EFCAB13: variants seen among roughly 807,000 people sequenced by gnomAD.
EFCAB13 encodes the protein EF-hand calcium binding domain 13, also known as EF-hand calcium-binding domain-containing protein 13.
EFCAB13 carries 91 observed loss-of-function variants against 110.2 expected under a neutral mutation model. The ratio of observed to expected loss-of-function variants is 0.83; its 90% confidence interval spans 0.70 to 0.98. The LOEUF is 0.98. Ranked by LOEUF, EFCAB13 falls within the 50% of genes least tolerant of loss-of-function variation. EFCAB13 has a pLI of 0.00. For missense variants in EFCAB13, 968 were observed against 1,119.4 expected, an observed-to-expected ratio of 0.86 and a Z score of 1.93; for synonymous variants, 323 against 369.9, an observed-to-expected ratio of 0.87 and a Z score of 1.45.
At chr17:47,438,325 G>A (rs116411065) in intron 24 of EFCAB13, among the ~76,000 whole-genome samples, 303 of 152,216 alleles carry the variant, frequency 2.0e-3, no homozygotes, top group African/African-American at 6.8e-3. Context: ...TGGATATCTA[G>A]GTCTCTAGCA....
intron 22 of EFCAB13, among the ~76,000 whole-genome samples, chr17:47,414,138 G>A (rs1245992653): frequency 6.6e-6 from 1 of 152,058 alleles, no homozygotes; most frequent in African/African-American, 2.4e-5. Context: ...TGCTACCCAG[G>A]TCTGCCATTT....
intron 18 of EFCAB13, among the ~76,000 whole-genome samples, chr17:47,402,417 C>G (rs966206358): frequency 3.9e-5 from 6 of 152,162 alleles, no homozygotes; most frequent in Non-Finnish European, 7.3e-5. Flanking sequence ...ACTGATAAAG[C>G]TGGTTTACTC....
chr17:47,338,340 C>G (rs1205928144), intron 5 of EFCAB13, among the ~76,000 whole-genome samples: 1 of 151,388 alleles, frequency 6.6e-6, no homozygotes. Context: ...GCCTGGAACT[C>G]CTGGGCTTAA....
chr17:47,420,635 C>T lies in EFCAB13; in HGVS notation c.2494+5716C>T, dbSNP rs368562144. Among the ~76,000 whole-genome samples the T allele has an allele frequency of 4.1e-3, 628 of 152,196 alleles. 14 individuals carry two copies. In the East Asian group the frequency reaches 0.062, roughly 15 times the overall value. ...GATGTGAGGAGCGCCTCTACCCGGC[C>T]GCGACCCCGTGTGGGAGGTGAGGAG... On this transcript the variant is annotated intron_variant, in intron 23 of 24. Transcript: ENST00000331493.
rs984490437 is a variant in EFCAB13 at position 47,431,537 on chromosome 17, T to G, written c.2638+1576T>G. Among the ~76,000 whole-genome samples, 3 of 152,068 alleles carry G rather than the reference T, an allele frequency of 2.0e-5. No individual in the cohort carries two copies. The highest frequency in any genetic ancestry group is 2.9e-5 in the Non-Finnish European group (2 of 67,962). On this transcript the variant is annotated intron_variant, in intron 24 of 24. Transcript: ENST00000331493. This position sits in a 1 kb window ranked among gnomAD's most constrained non-coding sequence, Gnocchi z 4.1. ...CTGTTGTCATTTTTTCTTCAACTCATGGTTTTAGAGGTATGTTTCTTAATT... is the reference window on the plus strand; with the variant it reads ...CTGTTGTCATTTTTTCTTCAACTCAGGGTTTTAGAGGTATGTTTCTTAATT...
At chr17:47,390,031 C>T (rs1276375040) in intron 14 of EFCAB13, among the ~76,000 whole-genome samples, 2 of 152,110 alleles carry the variant, frequency 1.3e-5, no homozygotes, top group Admixed American at 6.5e-5. Context: ...GTTTGATCAT[C>T]ACTTGTTTGT....
At chr17:47,325,116 G>A (rs1310256199) in intron 2 of EFCAB13, among the ~76,000 whole-genome samples, 1 of 147,446 alleles carries the variant, frequency 6.8e-6, no homozygotes, top group Non-Finnish European at 1.5e-5. Flanking sequence ...AAACTCCTGG[G>A]CTCAAAAGAT....
chr17:47,391,413 A>G, intron 14 of EFCAB13, 24 bp from the exon 15 acceptor site: 1 of 1,491,850 alleles, frequency 6.7e-7, no homozygotes, highest in Non-Finnish European at 8.9e-7. Context: ...TTTAATACTT[A>G]TTAGCATACT....
At chr17:47,348,458 T>C (rs2065430165) in intron 9 of EFCAB13, among the ~76,000 whole-genome samples, 1 of 152,152 alleles carries the variant, frequency 6.6e-6, no homozygotes, top group Non-Finnish European at 1.5e-5. Flanking sequence ...GTAAAATAGT[T>C]CAAAAATTTT....
At chr17:47,415,264 C>G (rs975151046) in intron 23 of EFCAB13, among the ~76,000 whole-genome samples, 50 of 152,052 alleles carry the variant, frequency 3.3e-4, no homozygotes, top group African/African-American at 1.2e-3. Context: ...GGAGGGATAG[C>G]TTTAGGAGAT....
intron 2 of EFCAB13, among the ~76,000 whole-genome samples, chr17:47,325,962 A>G (rs1474174533): frequency 1.9e-5 from 2 of 107,102 alleles, no homozygotes; most frequent in Admixed American, 9.6e-5. Context: ...ATATATATAT[A>G]GCATATATAT....
At chr17:47,397,709 A>G (rs546164194) in intron 17 of EFCAB13, among the ~76,000 whole-genome samples, 3 of 143,126 alleles carry the variant, frequency 2.1e-5, no homozygotes, top group Non-Finnish European at 3.1e-5. Flanking sequence ...CCGCGACCCC[A>G]TCTGGGAGGT....
intron 21 of EFCAB13, 118 bp from the exon 22 acceptor site, chr17:47,412,655 T>C (rs1481950428): frequency 9.5e-7 from 1 of 1,048,236 alleles, no homozygotes; most frequent in East Asian, 2.6e-5. Flanking sequence ...TGTGTTTCCT[T>C]TGGAGAGATT....
Position 47,404,048 on chromosome 17 carries a change from GT to G in EFCAB13, c.2161+37del, listed in dbSNP as rs761442009. On this transcript the variant is annotated intron_variant, in intron 19 of 24. Coordinates refer to ENST00000331493, the MANE Select transcript of EFCAB13 (RefSeq NM_152347.5). ...TAAGCATTTTAAATATTACTCTCAG[GT>G]TTTTTTTTTGTAGGAGTAAAGAAGA... The G allele has an allele frequency of 2.5e-3, 3,334 of 1,314,470 alleles. 6 individuals carry two copies. The highest frequency in any genetic ancestry group is 0.018 in the East Asian group (636 of 35,630). The allele number at this position is 1,314,470 out of a possible 1,614,324, so 81.4% of individuals were successfully genotyped here. A position where few individuals can be genotyped will look rare whatever the true frequency, so the allele number is the denominator to read the frequency against.
At chr17:47,418,808 T>C (rs1239409306) in intron 23 of EFCAB13, among the ~76,000 whole-genome samples, 3 of 152,200 alleles carry the variant, frequency 2.0e-5, no homozygotes, top group Non-Finnish European at 4.4e-5. Flanking sequence ...AAAACATTGT[T>C]CTTTCTCCAC....
chr17:47,395,739 TAAA>T, intron 16 of EFCAB13, 92 bp from the exon 17 acceptor site: 1 of 1,113,976 alleles, frequency 9.0e-7, no homozygotes, highest in Admixed American at 2.8e-5. Context: ...TTTTAAACCA[TAAA>T]AACCTTAATT....
chr17:47,364,136 A>G (rs1280261163), intron 10 of EFCAB13, among the ~76,000 whole-genome samples: 3 of 152,166 alleles, frequency 2.0e-5, no homozygotes, highest in Admixed American at 6.5e-5. Flanking sequence ...AAATATAAAC[A>G]TTTATCACAG....
chr17:47,413,029 G>C, intron 22 of EFCAB13, 113 bp downstream of exon 22: 2 of 1,109,328 alleles, frequency 1.8e-6, no homozygotes, highest in Non-Finnish European at 2.5e-6. Context: ...TTCTTTTGGA[G>C]GCTTAGGTTG....
intron 4 of EFCAB13, among the ~76,000 whole-genome samples, chr17:47,329,365 G>A (rs1290512970): frequency 1.3e-5 from 2 of 152,060 alleles, no homozygotes; most frequent in Admixed American, 1.3e-4. Context: ...ATTGTCAATT[G>A]AGAGTCCTAA....
Sources: gnomAD v4.1 joint callset for allele counts (sites outside exome capture counted in the v4.1 genomes callset) on GRCh38, gnomAD v4.1.1 for gene constraint, Gnocchi (gnomAD v3.1) non-coding constraint, MANE v1.5 for transcripts, NCBI Gene and HGNC (gene_info 2026-07-23, HGNC 2026-07-21) for gene names.